Variants in KIAA1549 observed in about 807,000 individuals in gnomAD.
KIAA1549 encodes UPF0606 protein KIAA1549.
A neutral mutation model predicts 156.4 loss-of-function variants in KIAA1549; 70 were observed. The observed-to-expected ratio is 0.45, with a 90% CI of 0.37 to 0.55. KIAA1549 has a LOEUF of 0.55. Ranked by LOEUF, KIAA1549 falls within the 20% of genes least tolerant of loss-of-function variation. The pLI, the probability that KIAA1549 is intolerant of heterozygous loss-of-function variation, is 0.00. For missense variants in KIAA1549, 2,428 were observed against 2,540.9 expected, an observed-to-expected ratio of 0.96 and a Z score of 0.96; for synonymous variants, 1,103 against 1,066.4, an observed-to-expected ratio of 1.03 and a Z score of -0.67.
rs747104568 is a variant in KIAA1549, at chr7:138,871,181, C to T, written c.4527G>A (p.Ala1509=). The T allele has an allele frequency of 2.0e-5, 32 of 1,612,604 alleles. No homozygotes were observed. The highest frequency in any genetic ancestry group is 1.2e-4 in the Admixed American group (7 of 59,986). ...VQRPSPADRV[A]ESNKINKEIQ... ...CCTCTTTGTTGATTTTATTGCTTTCCGCCACTCGGTCGGCTGGGGAGGGGC... is the reference window on the plus strand; with the variant it reads ...CCTCTTTGTTGATTTTATTGCTTTCTGCCACTCGGTCGGCTGGGGAGGGGC... Residue 1509 remains alanine (A), a synonymous_variant, in exon 13 of 20, where the codon GCG becomes GCA. Coordinates refer to ENST00000422774, the MANE Select transcript of KIAA1549 (RefSeq NM_001164665.2).
chr7:138,975,358 C>A (rs146944935), intron 1 of KIAA1549, among the ~76,000 whole-genome samples: 149 of 152,240 alleles, frequency 9.8e-4, no homozygotes, highest in South Asian at 1.9e-3. Flanking sequence ...GAGTGAGCTG[C>A]CTTCAGCAGG....
At chr7:138,859,732 T>C (rs1810499384) in intron 16 of KIAA1549, among the ~76,000 whole-genome samples, 1 of 152,202 alleles carries the variant, frequency 6.6e-6, no homozygotes. Context: ...CTGTCCTTTC[T>C]TACCTAAAGT....
At chr7:138,935,977 T>C (rs556587413) in intron 1 of KIAA1549, among the ~76,000 whole-genome samples, 3 of 152,058 alleles carry the variant, frequency 2.0e-5, no homozygotes, top group African/African-American at 7.2e-5. Context: ...TGGCAGACAA[T>C]AGGAAGGAAT....
chr7:138,912,321 C>T (rs1812193017), intron 3 of KIAA1549, 51 bp downstream of exon 3: 3 of 1,348,328 alleles, frequency 2.2e-6, no homozygotes, highest in Non-Finnish European at 3.2e-6. Context: ...GGGGCTCTCA[C>T]ATCAGCCCCA....
intron 15 of KIAA1549, among the ~76,000 whole-genome samples, chr7:138,862,146 A>T (rs1810603484): frequency 6.6e-6 from 1 of 152,192 alleles, no homozygotes; most frequent in Non-Finnish European, 1.5e-5. Context: ...ACTATTAGAA[A>T]ATAGTCTGAC....
chr7:138,976,921 C>A (rs926259257), intron 1 of KIAA1549, among the ~76,000 whole-genome samples: 1 of 152,182 alleles, frequency 6.6e-6, no homozygotes, highest in Non-Finnish European at 1.5e-5. Flanking sequence ...CAAGCACCCC[C>A]ACATCCCCAA....
chr7:138,887,945 C>T (rs1811445183), intron 10 of KIAA1549, among the ~76,000 whole-genome samples: 1 of 152,146 alleles, frequency 6.6e-6, no homozygotes, highest in Admixed American at 6.5e-5. Flanking sequence ...AGTTCACTCC[C>T]GCAGAAGAAT....
intron 12 of KIAA1549, among the ~76,000 whole-genome samples, chr7:138,876,965 T>C (rs1014944342): frequency 3.3e-5 from 5 of 152,184 alleles, no homozygotes; most frequent in Admixed American, 6.5e-5. Context: ...TCAGCTTCCA[T>C]TGCAAGGTGG....
chr7:138,966,953 G>A (rs193202190), intron 1 of KIAA1549, among the ~76,000 whole-genome samples: 98 of 152,158 alleles, frequency 6.4e-4, no homozygotes, highest in Non-Finnish European at 8.5e-4. Context: ...ACGTTATTAC[G>A]GCAGCCTGAG....
At chr7:138,947,898 G>A (rs1813382182) in intron 1 of KIAA1549, among the ~76,000 whole-genome samples, 1 of 152,008 alleles carries the variant, frequency 6.6e-6, no homozygotes, top group African/African-American at 2.4e-5. Context: ...AGGTAGCTGG[G>A]ACTATAGGCA....
At chr7:138,961,205 C>G in intron 1 of KIAA1549, among the ~76,000 whole-genome samples, 1 of 152,196 alleles carries the variant, frequency 6.6e-6, no homozygotes, top group East Asian at 1.9e-4. Flanking sequence ...TCGGAGCAGT[C>G]TCAAGACTTG....
chr7:138,966,360 G>A (rs1008424065), intron 1 of KIAA1549, among the ~76,000 whole-genome samples: 2 of 151,934 alleles, frequency 1.3e-5, no homozygotes, highest in Admixed American at 6.6e-5. Flanking sequence ...TATTAGTCAG[G>A]GTTCTCTAGA....
At chr7:138,927,360 G>C (rs1430573715) in intron 1 of KIAA1549, among the ~76,000 whole-genome samples, 2 of 152,248 alleles carry the variant, frequency 1.3e-5, no homozygotes, top group African/African-American at 4.8e-5. Context: ...AATGCAACTG[G>C]CTGGGCACAG....
chr7:138,920,288 C>T (rs778986236), intron 1 of KIAA1549, among the ~76,000 whole-genome samples: 4 of 86,186 alleles, frequency 4.6e-5, no homozygotes, highest in African/African-American at 8.7e-5. Flanking sequence ...GCTTCATCCT[C>T]GATGCTCTGA....
intron 17 of KIAA1549, among the ~76,000 whole-genome samples, chr7:138,851,655 G>GTTTC (rs1302056364): frequency 6.6e-6 from 1 of 152,144 alleles, no homozygotes. Flanking sequence ...ATGTTCATTT[G>GTTTC]TTTCTGCCAG....
chr7:138,912,544 G>T, intron 2 of KIAA1549, 84 bp from the exon 3 acceptor site: 1 of 1,102,096 alleles, frequency 9.1e-7, no homozygotes, highest in Non-Finnish European at 1.4e-6. Flanking sequence ...CCAGCACTGT[G>T]CCAAAATGTG....
chr7:138,912,462 T>C lies in KIAA1549; in HGVS notation c.2879-2A>G. On this transcript the variant is annotated splice_acceptor_variant, in intron 2 of 19. Transcript: ENST00000422774. LOFTEE classifies it high-confidence loss of function. ...CCTGCACAGCTCTTCTGGCCAGCAC[T>C]GCAAATGAAAGCAAACCACCAAATG... 1.2e-6 allele frequency: 2 copies of C among 1,612,744 alleles called. No individual in the cohort carries two copies. The highest frequency in any genetic ancestry group is 1.7e-6 in the Non-Finnish European group (2 of 1,178,912).
rs193076276 is a variant in KIAA1549 at position 138,945,918 on chromosome 7, C to A, written c.188-26480G>T. Among the ~76,000 whole-genome samples the A allele has an allele frequency of 6.6e-5, 10 of 152,134 alleles. No individual in the cohort carries two copies. The East Asian group carries it at 1.9e-3, about 29-fold the overall frequency. The stretch of plus-strand genomic sequence containing the variant: ...TCCAGCCTGAGTAACAGGATGAGAA[C>A]CCCTATCAACAAAATAGAATGTCCA... On this transcript the variant is annotated intron_variant, in intron 1 of 19. Coordinates refer to ENST00000422774, the MANE Select transcript of KIAA1549 (RefSeq NM_001164665.2).
At chr7:138,861,018 C>A in intron 16 of KIAA1549, 121 bp downstream of exon 16, 1 of 908,236 alleles carries the variant, frequency 1.1e-6, no homozygotes, top group Middle Eastern at 3.3e-4. Context: ...AGACCCATCA[C>A]CCGAGTTTTA....
Sources: allele counts gnomAD v4.1 joint callset (sites outside exome capture counted in the v4.1 genomes callset), GRCh38; gene constraint gnomAD v4.1.1; transcripts MANE v1.5; gene names NCBI Gene and HGNC (gene_info 2026-07-23, HGNC 2026-07-21).